B4GALNT1: variants seen among roughly 807,000 people sequenced by gnomAD.
The protein encoded by B4GALNT1 is beta-1,4-N-acetyl-galactosaminyltransferase 1.
B4GALNT1 carries 43 observed loss-of-function variants against 55.2 expected under a neutral mutation model. The observed-to-expected ratio is 0.78, with a 90% confidence interval of 0.61 to 1.00. The LOEUF is 1.00. B4GALNT1 is among the 50% of genes least tolerant of loss of function. The pLI, the probability that B4GALNT1 is intolerant of heterozygous loss-of-function variation, is 0.00. For missense variants in B4GALNT1, 664 were observed against 729.7 expected, an observed-to-expected ratio of 0.91 and a Z score of 1.04; for synonymous variants, 305 against 311.6, an observed-to-expected ratio of 0.98 and a Z score of 0.22.
rs1884697834 is a variant in B4GALNT1 at position 57,624,875 on chromosome 12, G to A, written c.*1869C>T. 1 of 1,614,016 alleles carries A rather than the reference G, an allele frequency of 6.2e-7. No individual in the cohort carries two copies. Among genetic ancestry groups the A allele is most frequent in the Admixed American group, 1.7e-5 (1 of 60,002 alleles). On this transcript the variant is annotated 3_prime_UTR_variant, in exon 11 of 11. Transcript: ENST00000341156. The stretch of plus-strand genomic sequence containing the variant: ...TCCTTTGACCTCTTAGCTCCTCCAG[G>A]TCCCGGGGCTCTGCATCCTGAGCTA...
At position 57,628,743 on chromosome 12, in the gene B4GALNT1, G is replaced by A. The variant is rs369366535; in HGVS notation, c.972C>T (p.Tyr324=). The A allele has an allele frequency of 3.1e-6, 5 of 1,614,242 alleles. No homozygotes were observed. The highest frequency in any genetic ancestry group is 2.2e-5 in the South Asian group (2 of 91,084). ...CGAAGGGCATGAGATAGTGTTCCAC[G>A]TAGGGGCCACTAACGCGCTCTGGCT... The part of the protein sequence containing the change: ...SDKPERVSGP[Y]VEHYLMPFGK... Residue 324 remains tyrosine, a synonymous_variant, in exon 8 of 11, where the codon TAC becomes TAT. Transcript: ENST00000341156.
intron 1 of B4GALNT1, chr12:57,632,434 C>T: frequency 2.0e-6 from 1 of 502,086 alleles, no homozygotes; most frequent in Non-Finnish European, 3.6e-6. Context: ...GGTTTCGACG[C>T]GGCCGTGCGT....
chr12:57,625,606 G>A lies in B4GALNT1; in HGVS notation c.*1138C>T, dbSNP rs759270517. The A allele has an allele frequency of 5.7e-6, 9 of 1,592,354 alleles. No homozygotes were observed. In the Admixed American group the frequency reaches 8.6e-5, roughly 15 times the overall value. On this transcript the variant is annotated 3_prime_UTR_variant, in exon 11 of 11. Coordinates refer to ENST00000341156, the MANE Select transcript of B4GALNT1 (RefSeq NM_001478.5). ...GCCTTGGTGCAGGGGACACTGACCC[G>A]GGTAGGACTCCTGGACAGGGTGACT...
chr12:57,627,991 A>C, intron 9 of B4GALNT1, 131 bp downstream of exon 9: 1 of 1,483,694 alleles, frequency 6.7e-7, no homozygotes, highest in Non-Finnish European at 8.9e-7. Flanking sequence ...GGACCCAGAC[A>C]GTTCCCAGGC....
At chr12:57,629,955 C>T in intron 6 of B4GALNT1, 197 bp downstream of exon 6, 3 of 1,536,732 alleles carry the variant, frequency 2.0e-6, no homozygotes, top group Non-Finnish European at 2.6e-6. Context: ...TCCCTCTGGC[C>T]TGCTCCAGCC....
intron 6 of B4GALNT1, 113 bp from the exon 7 acceptor site, chr12:57,629,259 C>A: frequency 1.2e-6 from 1 of 861,214 alleles, no homozygotes; most frequent in Non-Finnish European, 1.7e-6. Context: ...CCTTGGTGGA[C>A]AAGAACAGAA....
At chr12:57,630,942 C>T in intron 4 of B4GALNT1, 38 bp downstream of exon 4, 1 of 1,578,020 alleles carries the variant, frequency 6.3e-7, no homozygotes, top group East Asian at 2.2e-5. Flanking sequence ...GCCACCCCCA[C>T]TGTGGCTGAG....
rs531262976 is a variant in B4GALNT1, at chr12:57,626,510, T to G, written c.*234A>C. ...CATGAGAATGGGCAGGGGGAGGACT[T>G]GGCACTGGCTGTGGGAGAGGTTATG... On this transcript the variant is annotated 3_prime_UTR_variant, in exon 11 of 11. Transcript: ENST00000341156. 34 of 562,982 alleles carry G rather than the reference T, an allele frequency of 6.0e-5. No homozygotes were observed. The highest frequency in any genetic ancestry group is 5.6e-4 in the African/African-American group (30 of 53,254). 34.9% of individuals were successfully genotyped at this position (562,982 alleles called of 1,614,324 possible).
chr12:57,628,053 C>T (rs1594979611), intron 9 of B4GALNT1, 69 bp downstream of exon 9: 1 of 1,583,690 alleles, frequency 6.3e-7, no homozygotes, highest in East Asian at 2.3e-5. Flanking sequence ...CTGGCCGCAG[C>T]GCCCCCGCTG....
chr12:57,629,035 C>G lies in B4GALNT1; in HGVS notation c.811+13G>C, dbSNP rs183591475. 6.3e-7 allele frequency: 1 copy of G among 1,583,328 alleles called. No homozygotes were observed. Among genetic ancestry groups the G allele is most frequent in the East Asian group, 2.2e-5 (1 of 44,446 alleles). ...GGCTGGTTCTAATATGTCCCTGCCC[C>G]TACCAGCCTCACCTCCCTGGGGTAG... On this transcript the variant is annotated intron_variant, in intron 7 of 10. Coordinates refer to ENST00000341156, the MANE Select transcript of B4GALNT1 (RefSeq NM_001478.5).
chr12:57,630,566 T>C (rs777197078), intron 4 of B4GALNT1, 48 bp from the exon 5 acceptor site: 10 of 1,549,688 alleles, frequency 6.5e-6, no homozygotes, highest in Non-Finnish European at 8.7e-6. Context: ...CAGCCCTGAA[T>C]TCTTTCTCAT....
chr12:57,624,488 C>G lies in B4GALNT1; in HGVS notation c.*2256G>C, dbSNP rs575657763. On this transcript the variant is annotated 3_prime_UTR_variant, in exon 11 of 11. Transcript: ENST00000341156. Reference sequence around the variant, plus strand: ...TTCTTTTGGGCAATCCACCCCTATCCCTATCCTGCAGGCTGTGTGGATGGT... The same window carrying G: ...TTCTTTTGGGCAATCCACCCCTATCGCTATCCTGCAGGCTGTGTGGATGGT... 9.7e-6 allele frequency: 6 copies of G among 619,992 alleles called. No homozygotes were observed. In the East Asian group the frequency reaches 2.3e-4, roughly 24 times the overall value. 38.4% of individuals were successfully genotyped at this position (619,992 alleles called of 1,614,324 possible). A position where few individuals can be genotyped will look rare whatever the true frequency, so the allele number is the denominator to read the frequency against.
chr12:57,629,906 C>G, intron 6 of B4GALNT1: 2 of 1,535,014 alleles, frequency 1.3e-6, no homozygotes, highest in Non-Finnish European at 8.7e-7. Context: ...GGGCCCCCCA[C>G]AGTTGGCCTA....
At position 57,631,296 on chromosome 12, in the gene B4GALNT1, T is replaced by C. The variant is rs1885196222; in HGVS notation, c.287A>G (p.Gln96Arg). ...GGGLPLPFQK[Q>R]VRAIDLTKAF... ...CTTGGTGAGGTCAATAGCTCGGACT[T>C]GTTTCTGGAAGGGGAGGGGGAGGCC... is the stretch of plus-strand genomic sequence containing the variant. The change falls in exon 3 of 11, where the codon CAA (glutamine) becomes CGA (arginine). Residue 96 changes from glutamine (Q) to arginine (R), a missense_variant. Transcript: ENST00000341156. 12 of 1,614,120 alleles carry C rather than the reference T, an allele frequency of 7.4e-6. No individual in the cohort carries two copies. Among genetic ancestry groups the C allele is most frequent in the Non-Finnish European group, 1.0e-5 (12 of 1,179,988 alleles).
intron 6 of B4GALNT1, chr12:57,629,684 A>G: frequency 8.3e-7 from 1 of 1,201,574 alleles, no homozygotes; most frequent in Non-Finnish European, 1.1e-6. Context: ...TCTGGGGAAG[A>G]GCATTCCAGG....
At chr12:57,630,666 C>A in intron 4 of B4GALNT1, 148 bp from the exon 5 acceptor site, 2 of 1,020,550 alleles carry the variant, frequency 2.0e-6, no homozygotes. Flanking sequence ...TATAACATAG[C>A]CTACAGTGAC....
In B4GALNT1 at chr12:57,624,912, T is replaced by C; in HGVS notation, c.*1832A>G. ...TGCATCCTGAGCTATCCAACACCAC[T>C]GTACTTTGGGACCCGTGGGCAGTTT... is the stretch of plus-strand genomic sequence containing the variant. On this transcript the variant is annotated 3_prime_UTR_variant, in exon 11 of 11. Coordinates refer to ENST00000341156, the MANE Select transcript of B4GALNT1 (RefSeq NM_001478.5). 5 of 1,614,166 alleles carry C rather than the reference T, an allele frequency of 3.1e-6. No homozygotes were observed. Among genetic ancestry groups the C allele is most frequent in the Non-Finnish European group, 4.2e-6 (5 of 1,180,032 alleles).
At chr12:57,628,081 A>G (rs1884959854) in intron 9 of B4GALNT1, 41 bp downstream of exon 9, 1 of 1,609,770 alleles carries the variant, frequency 6.2e-7, no homozygotes, top group Non-Finnish European at 8.5e-7. Context: ...AGCCTGTTCA[A>G]GGCCCTTCTC....
In B4GALNT1 at chr12:57,626,297, G is replaced by A. The variant is rs1186856120; in HGVS notation, c.*447C>T. 3.3e-5 allele frequency: 6 copies of A among 184,580 alleles called. No homozygotes were observed. Among genetic ancestry groups the A allele is most frequent in the African/African-American group, 4.7e-5 (2 of 42,120 alleles). 11.4% of individuals were successfully genotyped at this position (184,580 alleles called of 1,614,324 possible). A position where few individuals can be genotyped will look rare whatever the true frequency, so the allele number is the denominator to read the frequency against. The stretch of plus-strand genomic sequence containing the variant: ...GCCACAAGTTCTCTCTGTGGGGGTG[G>A]GGCTGGAGCAGGTACACAGAGTACT... On this transcript the variant is annotated 3_prime_UTR_variant, in exon 11 of 11. Transcript: ENST00000341156.
Sources: allele counts gnomAD v4.1 joint callset, GRCh38; gene constraint gnomAD v4.1.1; transcripts MANE v1.5; gene names NCBI Gene and HGNC (gene_info 2026-07-23, HGNC 2026-07-21).